AP3B1: variants seen among roughly 807,000 people sequenced by gnomAD.
AP3B1 encodes the protein adaptor related protein complex 3 subunit beta 1, also known as AP-3 complex subunit beta-1.
A neutral mutation model predicts 132.5 loss-of-function variants in AP3B1; 61 were observed. The ratio of observed to expected loss-of-function variants is 0.46; its 90% confidence interval spans 0.37 to 0.57. The LOEUF is 0.57. Ranked by LOEUF, AP3B1 falls within the 20% of genes least tolerant of loss-of-function variation. The pLI, the probability that AP3B1 is intolerant of heterozygous loss-of-function variation, is 0.00. For synonymous variants in AP3B1, 388 were observed against 438.3 expected (o/e 0.89, Z 1.43); for missense variants, 1,120 against 1,289.4 (o/e 0.87, Z 2.01).
chr5:78,185,288 G>T (rs1350678290), intron 7 of AP3B1, among the ~76,000 whole-genome samples: 1 of 152,124 alleles, frequency 6.6e-6, no homozygotes, highest in African/African-American at 2.4e-5. Flanking sequence ...AAAGAATATG[G>T]CAAGGAAAAA....
At chr5:78,091,277 CAAAAAAA>C (rs748473899) in intron 21 of AP3B1, among the ~76,000 whole-genome samples, 14 of 79,494 alleles carry the variant, frequency 1.8e-4, no homozygotes, top group East Asian at 4.4e-4. Flanking sequence ...ATGTATTTGA[CAAAAAAA>C]AAAAAAAAAA....
In AP3B1 at chr5:78,039,233, C is replaced by T; in HGVS notation, c.2619G>A (p.Leu873=). ...GTCCTTTTCCACTCATTCGATGAAG[C>T]AGCACGTGAGTTTTCGTTGGTACAA... ...PAFVPTKTHV[L]LHRMSGKGLA... The change falls in exon 23 of 27, where the codon CTG becomes CTA. Residue 873 remains leucine (L), a synonymous_variant. Coordinates refer to ENST00000255194, the MANE Select transcript of AP3B1 (RefSeq NM_003664.5). 1 of 1,614,152 alleles carries T rather than the reference C, an allele frequency of 6.2e-7. No homozygotes were observed. The highest frequency in any genetic ancestry group is 8.5e-7 in the Non-Finnish European group (1 of 1,180,014).
chr5:78,168,013 G>GAAA (rs149936824), intron 11 of AP3B1, among the ~76,000 whole-genome samples: 3 of 110,792 alleles, frequency 2.7e-5, no homozygotes, highest in Non-Finnish European at 5.4e-5. Flanking sequence ...AAAACCTACT[G>GAAA]AAAAAAAAAA....
chr5:78,218,378 C>G (rs774529584), intron 6 of AP3B1, among the ~76,000 whole-genome samples: 1 of 152,086 alleles, frequency 6.6e-6, no homozygotes, highest in Non-Finnish European at 1.5e-5. Flanking sequence ...TCCAACAAAA[C>G]CAGCAATGAG....
intron 14 of AP3B1, 75 bp from the exon 15 acceptor site, chr5:78,141,394 C>G: frequency 8.1e-7 from 1 of 1,234,548 alleles, no homozygotes; most frequent in Non-Finnish European, 1.2e-6. Flanking sequence ...AAGGTTTTAA[C>G]TATTACAAAA....
chr5:78,278,083 G>C (rs1340524689), intron 1 of AP3B1, among the ~76,000 whole-genome samples: 1 of 152,108 alleles, frequency 6.6e-6, no homozygotes, highest in African/African-American at 2.4e-5. Flanking sequence ...TATTGCTTCT[G>C]AGACTCCCCC....
intron 6 of AP3B1, among the ~76,000 whole-genome samples, chr5:78,223,868 T>C (rs529442044): frequency 1.3e-5 from 2 of 152,290 alleles, no homozygotes; most frequent in South Asian, 2.1e-4. Flanking sequence ...ACCTATGATA[T>C]GCTGTATCCT....
chr5:78,256,607 A>G (rs989247548), intron 2 of AP3B1, among the ~76,000 whole-genome samples: 4 of 152,162 alleles, frequency 2.6e-5, no homozygotes, highest in African/African-American at 9.6e-5. Context: ...AAGAATTAAT[A>G]TCAATCCTAC....
At chr5:78,203,373 A>T (rs1745374119) in intron 7 of AP3B1, among the ~76,000 whole-genome samples, 1 of 152,166 alleles carries the variant, frequency 6.6e-6, no homozygotes, top group Non-Finnish European at 1.5e-5. Context: ...GAATAGAGTG[A>T]AGGGGAAAGC....
intron 15 of AP3B1, among the ~76,000 whole-genome samples, chr5:78,134,598 T>C (rs1212219620): frequency 6.6e-6 from 1 of 152,216 alleles, no homozygotes; most frequent in East Asian, 1.9e-4. Context: ...TGGAGTGCAA[T>C]GGCGCGATCT....
intron 13 of AP3B1, among the ~76,000 whole-genome samples, chr5:78,160,191 T>C (rs1207289353): frequency 6.6e-6 from 1 of 152,196 alleles, no homozygotes; most frequent in Non-Finnish European, 1.5e-5. Context: ...TAAATAAATA[T>C]CCTATTAATA....
chr5:78,109,519 C>T (rs1751483076), intron 20 of AP3B1, among the ~76,000 whole-genome samples: 1 of 152,036 alleles, frequency 6.6e-6, no homozygotes, highest in Admixed American at 6.5e-5. Flanking sequence ...TGAAGTCTAG[C>T]ATGAACATGG....
In AP3B1 at chr5:78,074,808, C is replaced by T. The variant is rs576532504; in HGVS notation, c.2577+14585G>A. On this transcript the variant is annotated intron_variant, in intron 22 of 26. Coordinates refer to ENST00000255194, the MANE Select transcript of AP3B1 (RefSeq NM_003664.5). ...TACTAAAAATACAAAACTAGCCGGG[C>T]GTGGTGGCACATGCCTCAGGAGGCT... Among the ~76,000 whole-genome samples, 5 of 152,192 alleles carry T rather than the reference C, an allele frequency of 3.3e-5. 1 individual carries two copies. The highest frequency in any genetic ancestry group is 2.6e-4 in the Admixed American group (4 of 15,296).
At chr5:78,072,618 C>A (rs1749586516) in intron 22 of AP3B1, among the ~76,000 whole-genome samples, 1 of 147,024 alleles carries the variant, frequency 6.8e-6, no homozygotes, top group African/African-American at 2.5e-5. Flanking sequence ...AAAACAGCTG[C>A]AAATTTAAGG....
At chr5:78,163,942 T>C (rs1182639288) in intron 12 of AP3B1, among the ~76,000 whole-genome samples, 1 of 151,824 alleles carries the variant, frequency 6.6e-6, no homozygotes, top group African/African-American at 2.4e-5. Context: ...CTTAACACTA[T>C]GAAAAATGCA....
At chr5:78,097,280 G>A (rs1161343619) in intron 21 of AP3B1, among the ~76,000 whole-genome samples, 1 of 101,554 alleles carries the variant, frequency 9.8e-6, no homozygotes, top group Non-Finnish European at 2.2e-5. Flanking sequence ...GTCCGGGAGG[G>A]AGGTGGGGGG....
intron 22 of AP3B1, among the ~76,000 whole-genome samples, chr5:78,069,946 A>G (rs1749464834): frequency 6.6e-6 from 1 of 152,176 alleles, no homozygotes; most frequent in Admixed American, 6.5e-5. Flanking sequence ...AAATAAGACC[A>G]TAAATCTACA....
At chr5:78,104,287 T>C (rs1751245042) in intron 20 of AP3B1, among the ~76,000 whole-genome samples, 2 of 152,180 alleles carry the variant, frequency 1.3e-5, no homozygotes, top group African/African-American at 4.8e-5. Flanking sequence ...AAAACAAAAG[T>C]ACACTGCTAG....
chr5:78,051,453 A>G (rs1185690375), intron 22 of AP3B1, among the ~76,000 whole-genome samples: 1 of 152,142 alleles, frequency 6.6e-6, no homozygotes, highest in African/African-American at 2.4e-5. Flanking sequence ...TTAAAGTTGT[A>G]AAACTTCTTT....
Sources: allele counts gnomAD v4.1 joint callset (sites outside exome capture counted in the v4.1 genomes callset), GRCh38; gene constraint gnomAD v4.1.1; transcripts MANE v1.5; gene names NCBI Gene and HGNC (gene_info 2026-07-23, HGNC 2026-07-21).